The following MAGI2 variants were observed in gnomAD, a reference collection of about 807,000 sequenced individuals.
The protein encoded by MAGI2 is membrane associated guanylate kinase, WW and PDZ domain containing 2.
MAGI2 carries 35 observed loss-of-function variants against 133.3 expected under a neutral mutation model. The ratio of observed to expected loss-of-function variants is 0.26; its 90% CI spans 0.20 to 0.35. The LOEUF (loss-of-function observed/expected upper bound fraction) is 0.35. Among genes scored for constraint, MAGI2 ranks in the 10% least tolerant of loss-of-function variants. The probability of loss-of-function intolerance (pLI) is 1.00; values close to 1 mark genes in which losing one functional copy is unlikely to be tolerated. For synonymous variants in MAGI2, 729 were observed against 710.6 expected (o/e 1.03, Z -0.41); for missense variants, 1,636 against 1,863.4 (o/e 0.88, Z 2.25).
intron 1 of MAGI2, among the ~76,000 whole-genome samples, chr7:79,107,054 G>C (rs1433696510): frequency 6.6e-6 from 1 of 152,176 alleles, no homozygotes; most frequent in African/African-American, 2.4e-5. Flanking sequence ...CCCATGAATA[G>C]GTTCCATTAT....
At chr7:78,641,107 C>T (rs948419086) in intron 2 of MAGI2, among the ~76,000 whole-genome samples, 1 of 152,116 alleles carries the variant, frequency 6.6e-6, no homozygotes, top group African/African-American at 2.4e-5. Flanking sequence ...TGTTTGCTTC[C>T]CCTTCCGACA....
chr7:78,697,919 CTCCTTA>C (rs541466182), intron 2 of MAGI2, among the ~76,000 whole-genome samples: 84 of 152,140 alleles, frequency 5.5e-4, no homozygotes, highest in Non-Finnish European at 1.1e-3. Context: ...CTATTCACTT[CTCCTTA>C]TAAGATTGTT....
intron 2 of MAGI2, among the ~76,000 whole-genome samples, chr7:78,977,967 A>C (rs1304893749): frequency 2.0e-5 from 3 of 151,846 alleles, no homozygotes; most frequent in Non-Finnish European, 4.4e-5. Flanking sequence ...TTAAAACAAC[A>C]ATGAGGTACC....
intron 1 of MAGI2, among the ~76,000 whole-genome samples, chr7:79,043,319 T>C (rs939730945): frequency 6.6e-6 from 1 of 151,064 alleles, no homozygotes; most frequent in African/African-American, 2.4e-5. Context: ...CTGAGGTGGG[T>C]GGATCACGAG....
At chr7:78,228,134 C>A (rs1789595999) in intron 10 of MAGI2, among the ~76,000 whole-genome samples, 1 of 152,128 alleles carries the variant, frequency 6.6e-6, no homozygotes, top group Non-Finnish European at 1.5e-5. Context: ...CTACCTGTTA[C>A]AAAAGAGTAT....
intron 6 of MAGI2, among the ~76,000 whole-genome samples, chr7:78,381,554 A>G (rs1191450636): frequency 6.6e-6 from 1 of 152,162 alleles, no homozygotes; most frequent in East Asian, 1.9e-4. Flanking sequence ...TTTGTAACAT[A>G]TCAGTGATAA....
At chr7:79,024,424 C>T (rs994122451) in intron 1 of MAGI2, among the ~76,000 whole-genome samples, 4 of 152,046 alleles carry the variant, frequency 2.6e-5, no homozygotes, top group African/African-American at 9.7e-5. Context: ...TAGAACCCAG[C>T]AAAGGCTTCA....
intron 12 of MAGI2, among the ~76,000 whole-genome samples, chr7:78,185,973 T>C (rs991518119): frequency 6.6e-6 from 1 of 152,166 alleles, no homozygotes; most frequent in African/African-American, 2.4e-5. Flanking sequence ...ATTATAAGAA[T>C]ACTTATTTGA....
At chr7:79,397,223 T>A (rs904831428) in intron 1 of MAGI2, among the ~76,000 whole-genome samples, 3 of 150,118 alleles carry the variant, frequency 2.0e-5, no homozygotes, top group African/African-American at 4.9e-5. Flanking sequence ...TATGTATATA[T>A]GCGTGTGTAT....
intron 6 of MAGI2, among the ~76,000 whole-genome samples, chr7:78,426,477 G>T (rs1274425484): frequency 1.3e-5 from 2 of 152,004 alleles, no homozygotes; most frequent in Non-Finnish European, 2.9e-5. Context: ...GAGCGCGGAG[G>T]GATAGCATTG....
At chr7:78,205,619 T>A (rs1829660872) in intron 10 of MAGI2, among the ~76,000 whole-genome samples, 1 of 152,204 alleles carries the variant, frequency 6.6e-6, no homozygotes, top group Admixed American at 6.5e-5. Flanking sequence ...CTGGAACCTA[T>A]TCATATTAAA....
intron 3 of MAGI2, among the ~76,000 whole-genome samples, chr7:78,623,565 C>A (rs780045008): frequency 1.3e-5 from 2 of 151,988 alleles, no homozygotes; most frequent in Non-Finnish European, 2.9e-5. Context: ...AGGTACAGCA[C>A]TAATGCATAA....
chr7:79,361,303 G>T (rs959871445), intron 1 of MAGI2, among the ~76,000 whole-genome samples: 1 of 152,118 alleles, frequency 6.6e-6, no homozygotes, highest in Non-Finnish European at 1.5e-5. Flanking sequence ...GCTGGGAAGG[G>T]AAGAGTGTGG....
intron 6 of MAGI2, among the ~76,000 whole-genome samples, chr7:78,487,695 G>A (rs1468134738): frequency 6.6e-6 from 1 of 152,048 alleles, no homozygotes; most frequent in Admixed American, 6.6e-5. Context: ...TTGGATTAGG[G>A]TAATTAGCTT....
At chr7:78,185,247 A>G (rs1239557121) in intron 13 of MAGI2, among the ~76,000 whole-genome samples, 1 of 152,196 alleles carries the variant, frequency 6.6e-6, no homozygotes, top group East Asian at 1.9e-4. Flanking sequence ...GATTTTACAC[A>G]TATATTACAG....
At chr7:79,415,712 C>G (rs1846454818) in intron 1 of MAGI2, 1 of 152,050 alleles carries the variant, frequency 6.6e-6, no homozygotes, top group Non-Finnish European at 1.5e-5. Flanking sequence ...TAAACAGTAC[C>G]AGATACACAA....
chr7:78,720,462 C>T (rs555888263), intron 2 of MAGI2, among the ~76,000 whole-genome samples: 3 of 152,044 alleles, frequency 2.0e-5, no homozygotes, highest in African/African-American at 7.2e-5. Flanking sequence ...TAAATCTGGA[C>T]AGTATGGGTC....
intron 2 of MAGI2, among the ~76,000 whole-genome samples, chr7:78,683,510 C>T (rs973060731): frequency 6.6e-6 from 1 of 152,134 alleles, no homozygotes; most frequent in Non-Finnish European, 1.5e-5. Flanking sequence ...TTTTGGAAGA[C>T]GGAGTTAGAA....
At chr7:79,011,678 A>G (rs1251664264) in intron 1 of MAGI2, among the ~76,000 whole-genome samples, 1 of 152,162 alleles carries the variant, frequency 6.6e-6, no homozygotes, top group Non-Finnish European at 1.5e-5. Flanking sequence ...GCTCATTTTG[A>G]TGTAATCTAC....
Sources: allele counts gnomAD v4.1 joint callset (sites outside exome capture counted in the v4.1 genomes callset), GRCh38; gene constraint gnomAD v4.1.1; transcripts MANE v1.5; gene names NCBI Gene and HGNC (gene_info 2026-07-23, HGNC 2026-07-21).